XRRA1: variants seen among roughly 807,000 people sequenced by gnomAD.
The protein encoded by XRRA1 is X-ray radiation resistance associated 1.
Under a neutral mutation model 80.2 loss-of-function variants are expected in XRRA1, and 69 were observed. That is an observed-to-expected ratio of 0.86 (90% CI 0.71 to 1.05). The LOEUF (loss-of-function observed/expected upper bound fraction) is 1.05. Among genes scored for constraint, XRRA1 ranks in the 50% least tolerant of loss-of-function variants. The pLI, the probability that XRRA1 is intolerant of heterozygous loss-of-function variation, is 0.00. For missense variants in XRRA1, 967 were observed against 976.4 expected (o/e 0.99, Z 0.13); for synonymous variants, 348 against 389.9 (o/e 0.89, Z 1.27).
rs1763636399 is a variant in XRRA1 at position 74,842,593 on chromosome 11, A to G, written c.*607T>C. The G allele has an allele frequency of 1.3e-5, 2 of 152,328 alleles. No homozygotes were observed. Among genetic ancestry groups the G allele is most frequent in the African/African-American group, 4.8e-5 (2 of 41,448 alleles). The allele number at this position is 152,328 out of a possible 1,614,324, so 9.4% of individuals were successfully genotyped here. On this transcript the variant is annotated 3_prime_UTR_variant, in exon 19 of 19. Transcript: ENST00000684022. Reference sequence around the variant, plus strand: ...GATTAGGAGCAGGGATGGGGTTTCCATGGTGTACAACTACGTCTTTTGGCA... The same window carrying G: ...GATTAGGAGCAGGGATGGGGTTTCCGTGGTGTACAACTACGTCTTTTGGCA...
intron 2 of XRRA1, among the ~76,000 whole-genome samples, chr11:74,943,444 C>G (rs1489443425): frequency 6.6e-6 from 1 of 151,758 alleles, no homozygotes; most frequent in Non-Finnish European, 1.5e-5. Flanking sequence ...CGAGGACTTG[C>G]AAACACAAAT....
intron 5 of XRRA1, 77 bp from the exon 6 acceptor site, chr11:74,930,449 G>A: frequency 8.5e-7 from 1 of 1,171,068 alleles, no homozygotes; most frequent in Non-Finnish European, 1.2e-6. Context: ...TGAAGCTTCA[G>A]GGCCACTGTC....
At position 74,927,389 on chromosome 11, in the gene XRRA1, A is replaced by C; in HGVS notation, c.522+2T>G. The C allele has an allele frequency of 6.3e-7, 1 of 1,594,292 alleles. No homozygotes were observed. Among genetic ancestry groups the C allele is most frequent in the Non-Finnish European group, 8.6e-7 (1 of 1,162,472 alleles). ...ACCAAAAACTCCCTACCTCCAACTT[A>C]CTTCTAATAACTTAAAGTCTCCATA... is the stretch of plus-strand genomic sequence containing the variant. On this transcript the variant is annotated splice_donor_variant, in intron 7 of 18. Coordinates refer to ENST00000684022, the MANE Select transcript of XRRA1 (RefSeq NM_001378157.1). LOFTEE classifies it high-confidence loss of function.
chr11:74,947,298 G>A (rs1161477033), intron 1 of XRRA1, among the ~76,000 whole-genome samples: 1 of 152,154 alleles, frequency 6.6e-6, no homozygotes, highest in Non-Finnish European at 1.5e-5. Context: ...GGCCGAAGCA[G>A]ACGGATCACT....
chr11:74,853,472 G>C (rs2040384227), intron 12 of XRRA1, among the ~76,000 whole-genome samples: 2 of 152,146 alleles, frequency 1.3e-5, no homozygotes, highest in Middle Eastern at 3.2e-3. Context: ...GCACCCTCCT[G>C]TACCTCTTCT....
chr11:74,878,818 T>C (rs1158945615), intron 10 of XRRA1, among the ~76,000 whole-genome samples: 1 of 151,840 alleles, frequency 6.6e-6, no homozygotes, highest in Non-Finnish European at 1.5e-5. Context: ...GTTCCATTGG[T>C]CTATATCTCT....
chr11:74,857,559 T>A (rs1042106667), intron 12 of XRRA1, among the ~76,000 whole-genome samples: 1 of 152,190 alleles, frequency 6.6e-6, no homozygotes, highest in African/African-American at 2.4e-5. Context: ...CAGTGATTGA[T>A]AGAACAACTA....
rs1477744962 is a variant in XRRA1 at position 74,841,405 on chromosome 11, TGAA to T, written c.*1792_*1794del. On this transcript the variant is annotated 3_prime_UTR_variant, in exon 19 of 19. Transcript: ENST00000684022. Reference sequence around the variant, plus strand: ...ATGATTGTTAGCTGCTGTAGCTTTCTGAAGAAGATTGTAGAAAAGAGACTAAGA... The same window carrying T: ...ATGATTGTTAGCTGCTGTAGCTTTCTGAAGATTGTAGAAAAGAGACTAAGA... 6.6e-6 allele frequency: 1 copy of T among 152,218 alleles called. No individual in the cohort carries two copies. The highest frequency in any genetic ancestry group is 1.5e-5 in the Non-Finnish European group (1 of 68,032). The allele number at this position is 152,218 out of a possible 1,614,324, so 9.4% of individuals were successfully genotyped here. A position where few individuals can be genotyped will look rare whatever the true frequency, so the allele number is the denominator to read the frequency against.
At chr11:74,893,628 A>G (rs890763262) in intron 10 of XRRA1, among the ~76,000 whole-genome samples, 1 of 152,198 alleles carries the variant, frequency 6.6e-6, no homozygotes, top group Non-Finnish European at 1.5e-5. Context: ...GCCAATAAGC[A>G]TATGAAAAAA....
intron 10 of XRRA1, among the ~76,000 whole-genome samples, chr11:74,889,220 A>G (rs1033341756): frequency 1.3e-5 from 2 of 152,158 alleles, no homozygotes; most frequent in Non-Finnish European, 2.9e-5. Flanking sequence ...CAGAAACTCT[A>G]CAAGCCAGAA....
chr11:74,932,709 A>G (rs1038257610), intron 5 of XRRA1, among the ~76,000 whole-genome samples: 5 of 152,222 alleles, frequency 3.3e-5, no homozygotes, highest in African/African-American at 7.2e-5. Context: ...TGTGAACTAT[A>G]TATTATAATC....
intron 11 of XRRA1, among the ~76,000 whole-genome samples, chr11:74,860,698 T>C (rs972387861): frequency 1.3e-5 from 2 of 152,226 alleles, no homozygotes; most frequent in African/African-American, 4.8e-5. Flanking sequence ...CCTTTTGCAG[T>C]GTGACCTTGC....
At chr11:74,928,488 G>T (rs1174008594) in intron 6 of XRRA1, among the ~76,000 whole-genome samples, 5 of 152,172 alleles carry the variant, frequency 3.3e-5, no homozygotes, top group African/African-American at 1.2e-4. Context: ...GGTGGCTTTT[G>T]CATCCACCCA....
chr11:74,930,396 A>C, intron 5 of XRRA1, 24 bp from the exon 6 acceptor site: 2 of 1,526,476 alleles, frequency 1.3e-6, no homozygotes, highest in South Asian at 2.5e-5. Context: ...TTTCAGAAAA[A>C]AAAAAAAATC....
rs546488258 is a variant in XRRA1, at chr11:74,872,608, C to A, written c.1004-9587G>T. On this transcript the variant is annotated intron_variant, in intron 10 of 18. Transcript: ENST00000684022. Reference sequence around the variant, plus strand: ...CCCAGGCAGCAAGTAGAAGCCACCCCAACCATGTCCAGCCAGTGGTTGGGA... The same window carrying A: ...CCCAGGCAGCAAGTAGAAGCCACCCAAACCATGTCCAGCCAGTGGTTGGGA... Among the ~76,000 whole-genome samples, 14 of 152,216 alleles carry A rather than the reference C, an allele frequency of 9.2e-5. No homozygotes were observed. The South Asian group carries it at 2.9e-3, about 32-fold the overall frequency.
intron 10 of XRRA1, among the ~76,000 whole-genome samples, chr11:74,900,057 T>C (rs2053259778): frequency 6.6e-6 from 1 of 151,662 alleles, no homozygotes; most frequent in South Asian, 2.1e-4. Flanking sequence ...CCCAGCTATT[T>C]GGCAGGCTGA....
At chr11:74,849,072 TCTC>T (rs1157556034) in intron 14 of XRRA1, among the ~76,000 whole-genome samples, 4 of 152,060 alleles carry the variant, frequency 2.6e-5, no homozygotes, top group African/African-American at 9.7e-5. Context: ...CCATTCTCCC[TCTC>T]CTCCTCAGCC....
chr11:74,879,887 T>C (rs940652573), intron 10 of XRRA1, among the ~76,000 whole-genome samples: 10 of 152,198 alleles, frequency 6.6e-5, no homozygotes, highest in Admixed American at 6.5e-4. Flanking sequence ...TTGAGGATTT[T>C]TGCATCAATG....
intron 10 of XRRA1, among the ~76,000 whole-genome samples, chr11:74,872,889 A>G (rs1390564826): frequency 6.6e-6 from 1 of 152,182 alleles, no homozygotes; most frequent in Non-Finnish European, 1.5e-5. Context: ...CATGATGGGC[A>G]TCTCAGGTAA....
Sources: gnomAD v4.1 joint callset for allele counts (sites outside exome capture counted in the v4.1 genomes callset) on GRCh38, gnomAD v4.1.1 for gene constraint, MANE v1.5 for transcripts, NCBI Gene and HGNC (gene_info 2026-07-23, HGNC 2026-07-21) for gene names.